Variants in PRKCE observed in about 807,000 individuals in gnomAD.
PRKCE encodes the protein protein kinase C epsilon.
A neutral mutation model predicts 85.4 loss-of-function variants in PRKCE; 16 were observed. The ratio of observed to expected loss-of-function variants is 0.19; its 90% CI spans 0.13 to 0.28. The LOEUF is 0.28. PRKCE is among the 10% of genes least tolerant of loss of function. The pLI is 1.00. For synonymous variants in PRKCE, 388 were observed against 371.5 expected, an observed-to-expected ratio of 1.04 and a Z score of -0.51; for missense variants, 573 against 975.2, an observed-to-expected ratio of 0.59 and a Z score of 5.49.
intron 2 of PRKCE, among the ~76,000 whole-genome samples, chr2:45,862,212 A>G (rs1323776484): frequency 1.3e-5 from 2 of 151,826 alleles, no homozygotes; most frequent in Non-Finnish European, 1.5e-5. Context: ...ACACACACAC[A>G]CACACACACA....
intron 1 of PRKCE, among the ~76,000 whole-genome samples, chr2:45,712,760 G>A (rs1679772074): frequency 6.6e-6 from 1 of 151,934 alleles, no homozygotes; most frequent in African/African-American, 2.4e-5. Flanking sequence ...CCCTCCTCTG[G>A]GCTTCCATCT....
intron 1 of PRKCE, among the ~76,000 whole-genome samples, chr2:45,822,436 C>G (rs1689609668): frequency 6.6e-6 from 1 of 152,258 alleles, no homozygotes; most frequent in Non-Finnish European, 1.5e-5. Flanking sequence ...TGCAAACCCT[C>G]TGGGGTGGCC....
chr2:45,900,538 C>G (rs1000579612), intron 2 of PRKCE, among the ~76,000 whole-genome samples: 2 of 152,150 alleles, frequency 1.3e-5, no homozygotes, highest in Non-Finnish European at 2.9e-5. Context: ...TTCTATGATT[C>G]CACTTACATG....
At position 46,081,344 on chromosome 2, in the gene PRKCE, C is replaced by G. The variant is rs116113804; in HGVS notation, c.1438-4864C>G. On this transcript the variant is annotated intron_variant, in intron 10 of 14. Coordinates refer to ENST00000306156, the MANE Select transcript of PRKCE (RefSeq NM_005400.3). ...CTAACCTTTTTTGTTCTTCTATTCA[C>G]ATGGTGTTTGCTTTTAAAAGAGATT... 3.4e-3 allele frequency among the ~76,000 whole-genome samples: 515 copies of G among 152,322 alleles called. 5 individuals carry two copies. The highest frequency in any genetic ancestry group is 6.4e-3 in the Non-Finnish European group (435 of 68,026).
chr2:46,026,803 C>T (rs778251646), intron 10 of PRKCE, among the ~76,000 whole-genome samples: 2 of 152,162 alleles, frequency 1.3e-5, no homozygotes, highest in South Asian at 2.1e-4. Flanking sequence ...CCAGAATAGA[C>T]ATGTAGCATA....
At chr2:46,127,596 G>A (rs527586002) in intron 11 of PRKCE, among the ~76,000 whole-genome samples, 144 of 152,374 alleles carry the variant, frequency 9.5e-4, no homozygotes, top group African/African-American at 3.4e-3. Flanking sequence ...ACGTATGATG[G>A]CCAGCAGGGC....
chr2:45,703,382 G>C (rs1678838370), intron 1 of PRKCE, among the ~76,000 whole-genome samples: 1 of 151,796 alleles, frequency 6.6e-6, no homozygotes, highest in Non-Finnish European at 1.5e-5. Context: ...AAAATAATTT[G>C]AAAAATGTAG....
At chr2:45,696,925 A>G (rs1678200437) in intron 1 of PRKCE, among the ~76,000 whole-genome samples, 1 of 152,172 alleles carries the variant, frequency 6.6e-6, no homozygotes, top group Non-Finnish European at 1.5e-5. Context: ...CAGAGCCCCC[A>G]GTCACAGACC....
At chr2:45,815,324 G>A (rs969944819) in intron 1 of PRKCE, among the ~76,000 whole-genome samples, 4 of 152,318 alleles carry the variant, frequency 2.6e-5, no homozygotes, top group African/African-American at 9.6e-5. Flanking sequence ...TGTTCTTTGA[G>A]CTGCAAGTGT....
At chr2:45,815,528 C>A (rs943833656) in intron 1 of PRKCE, among the ~76,000 whole-genome samples, 3 of 152,130 alleles carry the variant, frequency 2.0e-5, no homozygotes, top group African/African-American at 7.2e-5. Context: ...TTCCTCGGTC[C>A]CCTCCATTAG....
At chr2:46,037,069 C>T (rs961364570) in intron 10 of PRKCE, among the ~76,000 whole-genome samples, 10 of 152,278 alleles carry the variant, frequency 6.6e-5, no homozygotes, top group South Asian at 6.2e-4. Flanking sequence ...CACTTGGGTT[C>T]AGCCCCTTCA....
chr2:45,946,191 C>T (rs1260692986), intron 2 of PRKCE, among the ~76,000 whole-genome samples: 2 of 152,194 alleles, frequency 1.3e-5, no homozygotes, highest in East Asian at 3.8e-4. Context: ...AAATCCCTGC[C>T]CACAACTGGG....
At chr2:45,979,138 T>C in intron 4 of PRKCE, 128 bp downstream of exon 4, 5 of 893,046 alleles carry the variant, frequency 5.6e-6, no homozygotes, top group Non-Finnish European at 8.8e-6. Context: ...GCTTTCTTTG[T>C]TCCCACTTGA....
chr2:45,892,779 C>A (rs559343243), intron 2 of PRKCE, among the ~76,000 whole-genome samples: 1 of 152,176 alleles, frequency 6.6e-6, no homozygotes, highest in African/African-American at 2.4e-5. Context: ...TGGATTTACC[C>A]GACACACACT....
chr2:45,679,851 C>T (rs978760407), intron 1 of PRKCE, among the ~76,000 whole-genome samples: 47 of 152,300 alleles, frequency 3.1e-4, no homozygotes, highest in African/African-American at 9.4e-4. Flanking sequence ...TTGGCTCTTC[C>T]GGGCCTGCCC....
intron 1 of PRKCE, among the ~76,000 whole-genome samples, chr2:45,769,966 C>A (rs768351583): frequency 6.6e-6 from 1 of 152,256 alleles, no homozygotes; most frequent in Non-Finnish European, 1.5e-5. Flanking sequence ...GGCACACGTG[C>A]ACCCCGTACT....
At chr2:45,945,445 C>A (rs566133886) in intron 2 of PRKCE, among the ~76,000 whole-genome samples, 1 of 151,900 alleles carries the variant, frequency 6.6e-6, no homozygotes, top group East Asian at 1.9e-4. Context: ...TCAGGACAGC[C>A]CCAAGCCATT....
At chr2:46,106,070 A>G (rs557880394) in intron 11 of PRKCE, among the ~76,000 whole-genome samples, 1 of 152,112 alleles carries the variant, frequency 6.6e-6, no homozygotes, top group Non-Finnish European at 1.5e-5. Flanking sequence ...TTTCTAGGCT[A>G]TGTGGTTTGT....
chr2:45,768,715 T>G (rs1166986254), intron 1 of PRKCE, among the ~76,000 whole-genome samples: 1 of 152,242 alleles, frequency 6.6e-6, no homozygotes. Flanking sequence ...ACATGCGAGA[T>G]GAAGGAAAAC....
Sources: allele counts gnomAD v4.1 joint callset (sites outside exome capture counted in the v4.1 genomes callset), GRCh38; gene constraint gnomAD v4.1.1; transcripts MANE v1.5; gene names NCBI Gene and HGNC (gene_info 2026-07-23, HGNC 2026-07-21).